The following COL16A1 variants were observed in gnomAD, a reference collection of about 807,000 sequenced individuals.
COL16A1 encodes collagen alpha-1(XVI) chain.
In COL16A1, 189 loss-of-function variants were observed where a neutral mutation model predicts 266.3. The ratio of observed to expected loss-of-function variants is 0.71; its 90% CI spans 0.63 to 0.80. The LOEUF is 0.80. COL16A1 is among the 30% of genes least tolerant of loss of function. The pLI is 0.00. For missense variants in COL16A1, 1,928 were observed against 2,122.4 expected, an observed-to-expected ratio of 0.91 and a Z score of 1.80; for synonymous variants, 740 against 782.3, an observed-to-expected ratio of 0.95 and a Z score of 0.90.
Position 31,688,965 on chromosome 1 carries a change from G to A in COL16A1, c.1663C>T (p.Pro555Ser), listed in dbSNP as rs1394789934. 4 of 1,614,026 alleles carry A rather than the reference G, an allele frequency of 2.5e-6. No homozygotes were observed. The Admixed American group carries it at 6.7e-5, about 27-fold the overall frequency. Residue 555 changes from proline to serine, a missense_variant, in exon 25 of 71, where the codon CCC becomes TCC. Pro to Ser is a moderately conservative substitution (Grantham distance 74). Around this residue, in one of 2 missense-constraint regions of COL16A1, gnomAD observed 1,552 missense variants for 1,637.2 expected, o/e 0.95. Transcript: ENST00000373672. The surrounding 1 kb of genome is among the most constrained non-coding windows in gnomAD (Gnocchi z 4.9). ...ACAACCGAGCTGCAGGACAAGCAGGGCTCCCCCTGGGGAAAGAAGAGGAAG... is the reference window on the plus strand; with the variant it reads ...ACAACCGAGCTGCAGGACAAGCAGGACTCCCCCTGGGGAAAGAAGAGGAAG... ...IQGIKGEKGE[P>S]CLSCSSVVGA...
At chr1:31,666,541 CCT>C (rs1416048069) in intron 52 of COL16A1, among the ~76,000 whole-genome samples, 6 of 152,122 alleles carry the variant, frequency 3.9e-5, no homozygotes, top group Admixed American at 3.9e-4. Context: ...CACTCTATAC[CCT>C]CACACCCCCA....
rs771674959 is a variant in COL16A1, at chr1:31,668,154, C to T, written c.3303+11G>A. On this transcript the variant is annotated intron_variant, in intron 51 of 70. Transcript: ENST00000373672. This position sits in a 1 kb window ranked among gnomAD's most constrained non-coding sequence, Gnocchi z 5.8. ...TGGCACCCACTCCCCAGCAAGGGTC[C>T]CCTTACTCACAGGCAGTCCTGGGGG... 1.9e-6 allele frequency: 3 copies of T among 1,609,592 alleles called. No homozygotes were observed. Among genetic ancestry groups the T allele is most frequent in the Non-Finnish European group, 2.5e-6 (3 of 1,178,056 alleles).
Position 31,660,721 on chromosome 1 carries a change from C to A in COL16A1, c.3826-83G>T, listed in dbSNP as rs1027213920. ...GGCTGTCGGATGGGAGGGGGCTGGG[C>A]AGAATACATGGTAATGCCAATGGCC... On this transcript the variant is annotated intron_variant, in intron 61 of 70. Transcript: ENST00000373672. The A allele has an allele frequency of 3.2e-6, 5 of 1,583,846 alleles. No individual in the cohort carries two copies. The East Asian group carries it at 1.1e-4, about 36-fold the overall frequency.
chr1:31,683,760 G>A lies in COL16A1; in HGVS notation c.2338-12C>T. ...GGCCCTGGCTCTCCCTGAAGAGGCA[G>A]AAGGACAGTCCCTGGCTCGAGGTTC... On this transcript the variant is annotated splice_polypyrimidine_tract_variant and intron_variant, in intron 33 of 70. Coordinates refer to ENST00000373672, the MANE Select transcript of COL16A1 (RefSeq NM_001856.4). The A allele has an allele frequency of 6.2e-7, 1 of 1,614,104 alleles. No homozygotes were observed.
At chr1:31,684,330 C>T (rs1230515107) in intron 31 of COL16A1, 99 bp from the exon 32 acceptor site, 14 of 1,445,242 alleles carry the variant, frequency 9.7e-6, no homozygotes, top group Non-Finnish European at 1.2e-5. Flanking sequence ...CTTGAATGCT[C>T]CCACGTCAGC....
At chr1:31,655,638 C>T (rs2148648712) in intron 66 of COL16A1, 136 bp from the exon 67 acceptor site, 2 of 1,441,030 alleles carry the variant, frequency 1.4e-6, no homozygotes, top group East Asian at 4.6e-5. Context: ...CAGGTCACTC[C>T]ACCTCACTGC....
At chr1:31,658,790 G>A in intron 63 of COL16A1, 124 bp downstream of exon 63, 1 of 1,238,418 alleles carries the variant, frequency 8.1e-7, no homozygotes, top group Non-Finnish European at 1.1e-6. Flanking sequence ...AGGAGAGGCT[G>A]ACACCAGGGA....
intron 10 of COL16A1, among the ~76,000 whole-genome samples, 173 bp downstream of exon 10, chr1:31,695,588 C>A (rs555965785): frequency 6.6e-6 from 1 of 152,126 alleles, no homozygotes; most frequent in African/African-American, 2.4e-5. Flanking sequence ...GGGCTACCTA[C>A]CCCCCAACCC....
intron 42 of COL16A1, among the ~76,000 whole-genome samples, chr1:31,679,024 CTCTTT>C (rs1359425168): frequency 1.3e-5 from 2 of 152,224 alleles, no homozygotes; most frequent in Non-Finnish European, 2.9e-5. Context: ...AGCTTCTCAT[CTCTTT>C]TAAGTTTTGA....
Position 31,661,476 on chromosome 1 carries a change from G to C in COL16A1, c.3727-18C>G, listed in dbSNP as rs200514939. 1 of 1,614,202 alleles carries C rather than the reference G, an allele frequency of 6.2e-7. No individual in the cohort carries two copies. The highest frequency in any genetic ancestry group is 8.5e-7 in the Non-Finnish European group (1 of 1,180,036). Reference sequence around the variant, plus strand: ...TTAAAGCCCTGAAAGAAAAAGCAGGGAGTTCTCATGTCCCTCATGTCAGCT... The same window carrying C: ...TTAAAGCCCTGAAAGAAAAAGCAGGCAGTTCTCATGTCCCTCATGTCAGCT... On this transcript the variant is annotated intron_variant, in intron 59 of 70. Transcript: ENST00000373672.
intron 44 of COL16A1, chr1:31,673,362 T>TA (rs1642908100): frequency 6.1e-6 from 1 of 164,792 alleles, no homozygotes; most frequent in African/African-American, 2.4e-5. Flanking sequence ...GGAAGGGCTT[T>TA]AACCTTCTTT....
At position 31,663,660 on chromosome 1, in the gene COL16A1, A is replaced by C. The variant is rs1167573596; in HGVS notation, c.3556-1002T>G. ...TAGGACCCCCACCGTTGTCTTAGCC[A>C]GGGAATCTCCGCTTGTATTTGTTTT... On this transcript the variant is annotated intron_variant, in intron 56 of 70. Transcript: ENST00000373672. The surrounding 1 kb of genome is among the most constrained non-coding windows in gnomAD (Gnocchi z 4.9). Among the ~76,000 whole-genome samples, 1 of 152,236 alleles carries C rather than the reference A, an allele frequency of 6.6e-6. No individual in the cohort carries two copies. Among genetic ancestry groups the C allele is most frequent in the Non-Finnish European group, 1.5e-5 (1 of 68,042 alleles).
chr1:31,701,721 G>A lies in COL16A1; in HGVS notation c.73+400C>T, dbSNP rs936199880. Among the ~76,000 whole-genome samples the A allele has an allele frequency of 8.5e-5, 13 of 152,092 alleles. 1 individual carries two copies. The highest frequency in any genetic ancestry group is 6.5e-5 in the Admixed American group (1 of 15,280). ...AGGACTTGGGGTTCTCTGGGGAGGC[G>A]GCGTCCTTCTGCAGGGAGAGCTCAC... On this transcript the variant is annotated intron_variant, in intron 2 of 70. Transcript: ENST00000373672.
Position 31,683,758 on chromosome 1 carries a change from C to T in COL16A1, c.2338-10G>A. ...GAGGCCCTGGCTCTCCCTGAAGAGG[C>T]AGAAGGACAGTCCCTGGCTCGAGGT... On this transcript the variant is annotated splice_polypyrimidine_tract_variant and intron_variant, in intron 33 of 70. Transcript: ENST00000373672. 1.9e-6 allele frequency: 3 copies of T among 1,614,106 alleles called. No individual in the cohort carries two copies. Among genetic ancestry groups the T allele is most frequent in the Non-Finnish European group, 2.5e-6 (3 of 1,179,992 alleles).
rs201836376 is a variant in COL16A1 at position 31,679,643 on chromosome 1, G to A, written c.2761C>T (p.Pro921Ser). 1.2e-5 allele frequency: 20 copies of A among 1,614,232 alleles called. No individual in the cohort carries two copies. In the African/African-American group the frequency reaches 2.5e-4, roughly 20 times the overall value. ...IPGPPGPPGV[P>S]GLQGVPGNNG... ...TTCTCCCCCTTTACCTGCAGCCCAG[G>A]TACTCCAGGGGGGCCTGGTGGTCCG... The change falls in exon 42 of 71, where the codon CCT becomes TCT. Residue 921 changes from proline (P) to serine (S), a missense_variant. This residue lies in a region of COL16A1 where 1,552 missense variants were observed against 1,637.2 expected (regional missense o/e 0.95). Coordinates refer to ENST00000373672, the MANE Select transcript of COL16A1 (RefSeq NM_001856.4).
In COL16A1 at chr1:31,656,051, G is replaced by A; in HGVS notation, c.4101+349C>T. ...AAACTTGCCAATCCCTAGTGTAAGT[G>A]TGACTGGTCTATTGTGAGCACCTAT... On this transcript the variant is annotated intron_variant, in intron 66 of 70. Coordinates refer to ENST00000373672, the MANE Select transcript of COL16A1 (RefSeq NM_001856.4). The surrounding 1 kb of genome is among the most constrained non-coding windows in gnomAD (Gnocchi z 4.2). The A allele has an allele frequency of 5.4e-6, 2 of 369,134 alleles. No individual in the cohort carries two copies. Among genetic ancestry groups the A allele is most frequent in the Non-Finnish European group, 9.9e-6 (2 of 201,012 alleles). The allele number at this position is 369,134 out of a possible 1,614,324, so 22.9% of individuals were successfully genotyped here.
intron 47 of COL16A1, 60 bp downstream of exon 47, chr1:31,672,356 G>T: frequency 6.3e-7 from 1 of 1,598,086 alleles, no homozygotes; most frequent in Non-Finnish European, 8.6e-7. Flanking sequence ...CCCCCAAGAG[G>T]TCTCAAAGGC....
intron 44 of COL16A1, chr1:31,673,326 G>A (rs1312132697): frequency 4.1e-5 from 7 of 171,376 alleles, no homozygotes; most frequent in East Asian, 3.3e-4. Context: ...GGCTCGGATC[G>A]CGCCACCAGA....
intron 14 of COL16A1, 59 bp from the exon 15 acceptor site, chr1:31,692,701 G>A (rs116200113): frequency 2.5e-4 from 399 of 1,612,388 alleles, no homozygotes; most frequent in African/African-American, 8.3e-4. Flanking sequence ...GCTGCCAAGC[G>A]CACAGTCCCT....
Sources: gnomAD v4.1 joint callset for allele counts (sites outside exome capture counted in the v4.1 genomes callset) on GRCh38, gnomAD v4.1.1 for gene constraint, gnomAD v4.1.1 regional missense constraint, Gnocchi (gnomAD v3.1) non-coding constraint, MANE v1.5 for transcripts, NCBI Gene and HGNC (gene_info 2026-07-23, HGNC 2026-07-21) for gene names.